The following IRS1 variants were observed in gnomAD, a reference collection of about 807,000 sequenced individuals.
IRS1 encodes insulin receptor substrate 1.
A neutral mutation model predicts 65.6 loss-of-function variants in IRS1; 34 were observed. The observed-to-expected ratio is 0.52, with a 90% confidence interval of 0.39 to 0.69. The LOEUF (loss-of-function observed/expected upper bound fraction) is 0.69, where lower values mean the gene tolerates loss of function less well. IRS1 is among the 30% of genes least tolerant of loss of function. IRS1 has a pLI of 0.00. For missense variants in IRS1, 1,641 were observed against 1,720.2 expected, an observed-to-expected ratio of 0.95 and a Z score of 0.81; for synonymous variants, 699 against 683.5, an observed-to-expected ratio of 1.02 and a Z score of -0.35.
At chr2:226,746,574 C>T (rs912001884) in intron 1 of IRS1, among the ~76,000 whole-genome samples, 5 of 152,162 alleles carry the variant, frequency 3.3e-5, no homozygotes, top group East Asian at 1.9e-4. Context: ...AACTGACTGC[C>T]TTGTGTAAAG....
intron 1 of IRS1, among the ~76,000 whole-genome samples, chr2:226,772,678 A>C (rs1401880450): frequency 9.2e-6 from 1 of 109,066 alleles, no homozygotes; most frequent in Non-Finnish European, 1.7e-5. Flanking sequence ...CATGGACAGT[A>C]AAAAAAAAAA....
chr2:226,767,346 A>G (rs1939074228), intron 1 of IRS1, among the ~76,000 whole-genome samples: 1 of 152,222 alleles, frequency 6.6e-6, no homozygotes, highest in African/African-American at 2.4e-5. Context: ...CCAATGAGAG[A>G]ATGGGTCACG....
chr2:226,761,440 A>G (rs1387423979), intron 1 of IRS1, among the ~76,000 whole-genome samples: 1 of 152,070 alleles, frequency 6.6e-6, no homozygotes, highest in Non-Finnish European at 1.5e-5. Flanking sequence ...TTGTCATTCT[A>G]TACCAACTTC....
intron 1 of IRS1, chr2:226,792,052 G>A (rs1047299737): frequency 6.6e-6 from 1 of 152,360 alleles, no homozygotes; most frequent in East Asian, 1.9e-4. Context: ...AGGGAGGGGA[G>A]GCAACCTTGG....
In IRS1 at chr2:226,795,057, C is replaced by G. The variant is rs150039193; in HGVS notation, c.3682G>C (p.Ala1228Pro). 1 of 1,608,968 alleles carries G rather than the reference C, an allele frequency of 6.2e-7. No homozygotes were observed. The change falls in exon 1 of 2, where the codon GCC becomes CCC. Residue 1228 changes from alanine to proline, a missense_variant. This residue lies in a region of IRS1 where 1,324 missense variants were observed against 1,361.0 expected (regional missense o/e 0.97). Coordinates refer to ENST00000305123, the MANE Select transcript of IRS1 (RefSeq NM_005544.3). The part of the protein sequence containing the change: ...STRRSSEDLS[A>P]YASISFQKQP... ...TTCTGGAAACTGATGCTGGCATAGGCGCTTAAATCCTCACTTGAGCGGCGG... is the reference window on the plus strand; with the variant it reads ...TTCTGGAAACTGATGCTGGCATAGGGGCTTAAATCCTCACTTGAGCGGCGG...
Position 226,798,877 on chromosome 2 carries a change from C to A in IRS1, c.-139G>T. 6.6e-7 allele frequency: 1 copy of A among 1,520,958 alleles called. No individual in the cohort carries two copies. The highest frequency in any genetic ancestry group is 1.2e-5 in the South Asian group (1 of 80,060). The allele number at this position is 1,520,958 out of a possible 1,614,324, so 94.2% of individuals were successfully genotyped here. ...GAAACCCCGACTCTGAAATCCACGC[C>A]GCCCCCCGCGCCGGGGAGGGGCAGC... is the stretch of plus-strand genomic sequence containing the variant. On this transcript the variant is annotated 5_prime_UTR_variant, in exon 1 of 2. Coordinates refer to ENST00000305123, the MANE Select transcript of IRS1 (RefSeq NM_005544.3). This position sits in a 1 kb window ranked among gnomAD's most constrained non-coding sequence, Gnocchi z 9.4.
Position 226,798,333 on chromosome 2 carries a change from A to T in IRS1, c.406T>A (p.Cys136Ser). ...TCACCAAGGCCGGAGCTGCCGCTGCAGCTGCCCCCACCACCTCCCGCCCCG... is the reference window on the plus strand; with the variant it reads ...TCACCAAGGCCGGAGCTGCCGCTGCTGCTGCCCCCACCACCTCCCGCCCCG... ...ALGAGGGGGSCSGSSGLGEAG... is the reference protein window; with the variant it reads ...ALGAGGGGGSSSGSSGLGEAG... Residue 136 changes from cysteine (C) to serine (S), a missense_variant, in exon 1 of 2, where the codon TGC becomes AGC. Cys to Ser is a moderately radical substitution (Grantham distance 112, BLOSUM62 -1). This residue lies in a region of IRS1 where 240 missense variants were observed against 229.6 expected (regional missense o/e 1.05). Transcript: ENST00000305123. This position sits in a 1 kb window ranked among gnomAD's most constrained non-coding sequence, Gnocchi z 9.4. The T allele has an allele frequency of 6.2e-7, 1 of 1,613,422 alleles. No homozygotes were observed. The highest frequency in any genetic ancestry group is 1.1e-5 in the South Asian group (1 of 91,082).
intron 1 of IRS1, among the ~76,000 whole-genome samples, chr2:226,754,190 A>G (rs1282220026): frequency 6.6e-6 from 1 of 152,206 alleles, no homozygotes; most frequent in East Asian, 1.9e-4. Context: ...TACTAAGAAA[A>G]TAAAGCAATT....
chr2:226,737,355 G>A (rs2106156590), intron 1 of IRS1, among the ~76,000 whole-genome samples: 1 of 152,020 alleles, frequency 6.6e-6, no homozygotes, highest in South Asian at 2.1e-4. Context: ...TTGGACATTT[G>A]GGTTGGTTCC....
rs766106080 is a variant in IRS1 at position 226,799,736 on chromosome 2, CG to C, written c.-999del. 454 of 999,294 alleles carry C rather than the reference CG, an allele frequency of 4.5e-4. 1 individual carries two copies. The highest frequency in any genetic ancestry group is 5.5e-4 in the Admixed American group (9 of 16,288). 61.9% of individuals were successfully genotyped at this position (999,294 alleles called of 1,614,324 possible). ...AGCGGCGGCGTCTGGCTCTGCGCGCCGGCCCCCTCCGACCGCGCCGCCGTCT... is the reference window on the plus strand; with the variant it reads ...AGCGGCGGCGTCTGGCTCTGCGCGCCGCCCCCTCCGACCGCGCCGCCGTCT... On this transcript the variant is annotated 5_prime_UTR_variant, in exon 1 of 2. Coordinates refer to ENST00000305123, the MANE Select transcript of IRS1 (RefSeq NM_005544.3). The surrounding 1 kb of genome is among the most constrained non-coding windows in gnomAD (Gnocchi z 6.1).
At chr2:226,791,796 G>A (rs982416122) in intron 1 of IRS1, among the ~76,000 whole-genome samples, 2 of 152,016 alleles carry the variant, frequency 1.3e-5, no homozygotes, top group African/African-American at 2.4e-5. Context: ...CCCGAGGGCG[G>A]GGCCTCGCCC....
At chr2:226,755,389 G>A (rs181677365) in intron 1 of IRS1, among the ~76,000 whole-genome samples, 73 of 152,246 alleles carry the variant, frequency 4.8e-4, no homozygotes, top group African/African-American at 1.3e-3. Flanking sequence ...TGACGTTAAC[G>A]TTAAAATATT....
At chr2:226,784,498 C>G (rs912507934) in intron 1 of IRS1, among the ~76,000 whole-genome samples, 6 of 152,142 alleles carry the variant, frequency 3.9e-5, no homozygotes, top group Non-Finnish European at 8.8e-5. Context: ...TCTTGGCTCA[C>G]TGCAATCTCT....
At chr2:226,789,525 T>C (rs1022977178) in intron 1 of IRS1, among the ~76,000 whole-genome samples, 3 of 152,246 alleles carry the variant, frequency 2.0e-5, no homozygotes, top group Non-Finnish European at 2.9e-5. Context: ...TAGTCCCCAG[T>C]TGGCTTCTCA....
chr2:226,774,222 C>A (rs1049006576), intron 1 of IRS1, among the ~76,000 whole-genome samples: 1 of 152,076 alleles, frequency 6.6e-6, no homozygotes, highest in Non-Finnish European at 1.5e-5. Context: ...ATCAAAATCA[C>A]AAAATACTTT....
In IRS1 at chr2:226,798,407, A is replaced by AG; in HGVS notation, c.331dup (p.Leu111ProfsTer8). 6.2e-7 allele frequency: 1 copy of AG among 1,614,008 alleles called. No homozygotes were observed. The highest frequency in any genetic ancestry group is 8.5e-7 in the Non-Finnish European group (1 of 1,179,990). On this transcript the variant is annotated frameshift_variant, in exon 1 of 2. Coordinates refer to ENST00000305123, the MANE Select transcript of IRS1 (RefSeq NM_005544.3). LOFTEE classifies it high-confidence loss of function. This position sits in a 1 kb window ranked among gnomAD's most constrained non-coding sequence, Gnocchi z 9.4. Reference sequence around the variant, plus strand: ...GCCCTTAGCACGGTTGTGCAGCTGTAGGAGAGCCTGGTACCAGCTGTCTTG... The same window carrying AG: ...GCCCTTAGCACGGTTGTGCAGCTGTAGGGAGAGCCTGGTACCAGCTGTCTTG...
In IRS1 at chr2:226,799,578, G is replaced by A. The variant is rs998659905; in HGVS notation, c.-840C>T. ...GGAGGGGAGGGGACAAGGGCGAGAGGGGATGGGGGAGGTTTGGGAAGGGTT... is the reference window on the plus strand; with the variant it reads ...GGAGGGGAGGGGACAAGGGCGAGAGAGGATGGGGGAGGTTTGGGAAGGGTT... On this transcript the variant is annotated 5_prime_UTR_variant, in exon 1 of 2. Coordinates refer to ENST00000305123, the MANE Select transcript of IRS1 (RefSeq NM_005544.3). The surrounding 1 kb of genome is among the most constrained non-coding windows in gnomAD (Gnocchi z 6.1). 1.9e-6 allele frequency: 2 copies of A among 1,031,984 alleles called. No individual in the cohort carries two copies. Among genetic ancestry groups the A allele is most frequent in the African/African-American group, 1.7e-5 (1 of 57,536 alleles). 63.9% of individuals were successfully genotyped at this position (1,031,984 alleles called of 1,614,324 possible).
At chr2:226,758,876 A>G (rs1258932936) in intron 1 of IRS1, among the ~76,000 whole-genome samples, 1 of 152,174 alleles carries the variant, frequency 6.6e-6, no homozygotes, top group African/African-American at 2.4e-5. Context: ...GAAATTTGTG[A>G]TGCTCTACAG....
Position 226,795,553 on chromosome 2 carries a change from G to C in IRS1, c.3186C>G (p.Gly1062=). Residue 1062 remains glycine, a synonymous_variant, in exon 1 of 2, where the codon GGC becomes GGG. Transcript: ENST00000305123. ...ELAAHSSLLG[G]PQGPGGMSAF... ...CGCTCATGCCCCCAGGTCCTTGTGG[G>C]CCCCCCAGCAGGGACGAGTGGGCAG... is the stretch of plus-strand genomic sequence containing the variant. The C allele has an allele frequency of 1.2e-6, 2 of 1,613,018 alleles. No homozygotes were observed. Among genetic ancestry groups the C allele is most frequent in the Non-Finnish European group, 1.7e-6 (2 of 1,179,962 alleles).
Sources: gnomAD v4.1 joint callset for allele counts (sites outside exome capture counted in the v4.1 genomes callset) on GRCh38, gnomAD v4.1.1 for gene constraint, gnomAD v4.1.1 regional missense constraint, Gnocchi (gnomAD v3.1) non-coding constraint, MANE v1.5 for transcripts, NCBI Gene and HGNC (gene_info 2026-07-23, HGNC 2026-07-21) for gene names.